Variants in DNAH5 observed in about 807,000 individuals in gnomAD.
DNAH5 encodes axonemal beta dynein heavy chain 5.
Under a neutral mutation model 518.2 loss-of-function variants are expected in DNAH5, and 372 were observed. The ratio of observed to expected loss-of-function variants is 0.72; its 90% CI spans 0.66 to 0.78. DNAH5 has a LOEUF of 0.78. Ranked by LOEUF, DNAH5 falls within the 30% of genes least tolerant of loss-of-function variation. The pLI is 0.00. For missense variants in DNAH5, 5,523 were observed against 5,687.0 expected (o/e 0.97, Z 0.93); for synonymous variants, 2,039 against 2,025.9 (o/e 1.01, Z -0.17).
intron 47 of DNAH5, among the ~76,000 whole-genome samples, chr5:13,795,813 C>A (rs149758519): frequency 6.6e-6 from 1 of 152,170 alleles, no homozygotes; most frequent in East Asian, 1.9e-4. Flanking sequence ...AAAATACTGG[C>A]AAACTGAATC....
At chr5:13,918,563 C>T (rs1373134622) in intron 7 of DNAH5, among the ~76,000 whole-genome samples, 3 of 152,110 alleles carry the variant, frequency 2.0e-5, no homozygotes, top group East Asian at 3.9e-4. Flanking sequence ...CTCCACCTCC[C>T]GGGTTCAAGC....
At chr5:13,710,254 G>A (rs1743317438) in intron 75 of DNAH5, among the ~76,000 whole-genome samples, 1 of 152,114 alleles carries the variant, frequency 6.6e-6, no homozygotes, top group Admixed American at 6.6e-5. Context: ...CACATCCATA[G>A]GAAAAGGGGG....
intron 51 of DNAH5, 71 bp from the exon 52 acceptor site, chr5:13,786,422 A>G (rs1756020530): frequency 7.0e-7 from 1 of 1,422,504 alleles, no homozygotes. Context: ...AAATTAATAC[A>G]CTCAAAGCTC....
At position 13,944,287 on chromosome 5, in the gene DNAH5, G is replaced by A. The variant is rs894557691; in HGVS notation, c.57+95C>T. 11 of 1,215,462 alleles carry A rather than the reference G, an allele frequency of 9.1e-6. No individual in the cohort carries two copies. In the Admixed American group the frequency reaches 1.0e-4, roughly 11 times the overall value. The allele number at this position is 1,215,462 out of a possible 1,614,324, so 75.3% of individuals were successfully genotyped here. ...GTTTCTCGCAAATTCATCAGTGTGT[G>A]ACTTTGAACCTTTTTCAAGTTTGTT... On this transcript the variant is annotated intron_variant, in intron 1 of 78. Transcript: ENST00000265104.
rs1470329012 is a variant in DNAH5 at position 13,870,817 on chromosome 5, C to T, written c.3784G>A (p.Glu1262Lys). 6.2e-7 allele frequency: 1 copy of T among 1,613,836 alleles called. No homozygotes were observed. ...DIRIAMAALK[E>K]IREEQISIDF... is the part of the protein sequence containing the mutation. ...ATGGAGATTTGCTCCTCCCTTATTT[C>T]TTTCAGCGCTGCCATTGCAATCCGA... The change falls in exon 24 of 79, where the codon GAA becomes AAA. Residue 1262 changes from glutamate (E) to lysine (K), a missense_variant. Coordinates refer to ENST00000265104, the MANE Select transcript of DNAH5 (RefSeq NM_001369.3).
chr5:13,965,470 T>G (rs1781467113), intron 1 of DNAH5, among the ~76,000 whole-genome samples: 1 of 152,216 alleles, frequency 6.6e-6, no homozygotes, highest in Non-Finnish European at 1.5e-5. Flanking sequence ...AAGTTTCTCA[T>G]AAAACATTCA....
At chr5:13,749,250 A>AG (rs976019892) in intron 65 of DNAH5, among the ~76,000 whole-genome samples, 4 of 152,008 alleles carry the variant, frequency 2.6e-5, no homozygotes, top group Non-Finnish European at 4.4e-5. Flanking sequence ...TTATGAAAGA[A>AG]AAAAAATGAG....
At chr5:13,845,375 G>A (rs1037668391) in intron 31 of DNAH5, among the ~76,000 whole-genome samples, 1 of 151,606 alleles carries the variant, frequency 6.6e-6, no homozygotes, top group Non-Finnish European at 1.5e-5. Context: ...GCAGGTTTTG[G>A]TTTTGGGTTT....
At chr5:13,719,691 T>G (rs1025207605) in intron 71 of DNAH5, among the ~76,000 whole-genome samples, 9 of 152,104 alleles carry the variant, frequency 5.9e-5, no homozygotes, top group Non-Finnish European at 8.8e-5. Flanking sequence ...ACCAGCACAT[T>G]GAGGGAATAG....
At chr5:13,887,745 C>T (rs1772632900) in intron 17 of DNAH5, among the ~76,000 whole-genome samples, 1 of 152,206 alleles carries the variant, frequency 6.6e-6, no homozygotes, top group South Asian at 2.1e-4. Context: ...TGCTAATATC[C>T]TTTACTCCAT....
intron 9 of DNAH5, 116 bp from the exon 10 acceptor site, chr5:13,914,758 T>C: frequency 9.4e-7 from 1 of 1,064,002 alleles, no homozygotes; most frequent in Middle Eastern, 3.0e-4. Context: ...TAACTTGAGC[T>C]TGGGTTTATT....
At chr5:13,708,098 A>G in intron 76 of DNAH5, 25 bp downstream of exon 76, 1 of 1,610,284 alleles carries the variant, frequency 6.2e-7, no homozygotes, top group Non-Finnish European at 8.5e-7. Flanking sequence ...GTGAACAGGC[A>G]GAATAACAGC....
At chr5:13,990,265 C>T (rs1039536889) in intron 1 of DNAH5, among the ~76,000 whole-genome samples, 4 of 151,816 alleles carry the variant, frequency 2.6e-5, no homozygotes, top group Admixed American at 1.3e-4. Flanking sequence ...AAAATTGGGG[C>T]CCGGCGGCCA....
At chr5:13,874,328 C>A (rs1329108008) in intron 22 of DNAH5, among the ~76,000 whole-genome samples, 1 of 152,064 alleles carries the variant, frequency 6.6e-6, no homozygotes, top group Non-Finnish European at 1.5e-5. Context: ...AAGAATATAC[C>A]CTAACTAAAT....
chr5:13,747,827 G>A (rs1310985318), intron 65 of DNAH5, among the ~76,000 whole-genome samples: 1 of 152,144 alleles, frequency 6.6e-6, no homozygotes. Context: ...CTCCCATTCT[G>A]TAGGTTGCCT....
chr5:13,695,911 C>T (rs1741313164), intron 78 of DNAH5, among the ~76,000 whole-genome samples: 1 of 152,114 alleles, frequency 6.6e-6, no homozygotes, highest in Admixed American at 6.6e-5. Flanking sequence ...TACGCATGGA[C>T]CTTTTCACTA....
Position 13,769,135 on chromosome 5 carries a change from A to G in DNAH5, c.9722T>C (p.Val3241Ala). Reference sequence around the variant, plus strand: ...TGCTTTCATTGTCACTTCTTTTAAGACCTAATTCAATATAAAGCAAGCAAT... The same window carrying G: ...TGCTTTCATTGTCACTTCTTTTAAGGCCTAATTCAATATAAAGCAAGCAAT... ...LQVANDKADM[V>A]LKEVTMKAQA... Residue 3241 changes from valine to alanine, a missense_variant and splice_region_variant, in exon 58 of 79, where the codon GTC becomes GCC. Physicochemically the swap from Val to Ala is moderately conservative, Grantham distance 64 (BLOSUM62 0). This residue lies in a region of DNAH5 where 5,121 missense variants were observed against 5,223.3 expected (regional missense o/e 0.98). Coordinates refer to ENST00000265104, the MANE Select transcript of DNAH5 (RefSeq NM_001369.3). The G allele has an allele frequency of 6.2e-7, 1 of 1,613,952 alleles. No individual in the cohort carries two copies.
In DNAH5 at chr5:13,867,822, C is replaced by T; in HGVS notation, c.4005G>A (p.Val1335=). The T allele has an allele frequency of 6.2e-7, 1 of 1,614,022 alleles. No individual in the cohort carries two copies. Among genetic ancestry groups the T allele is most frequent in the South Asian group, 1.1e-5 (1 of 91,074 alleles). The part of the protein sequence containing the change: ...PSFKKELISA[V]EVFLQDCHQF... ...GGTGACAATCTTGGAGGAATACCTC[C>T]ACAGCACTAATAAGCTCTTTCTTGA... Residue 1335 remains valine, a synonymous_variant, in exon 25 of 79, where the codon GTG becomes GTA. Coordinates refer to ENST00000265104, the MANE Select transcript of DNAH5 (RefSeq NM_001369.3).
intron 16 of DNAH5, among the ~76,000 whole-genome samples, chr5:13,893,644 G>T (rs1773548054): frequency 2.0e-5 from 3 of 152,100 alleles, no homozygotes; most frequent in Admixed American, 2.0e-4. Context: ...TAAACAGCCT[G>T]ATATTCAGGT....
Sources: gnomAD v4.1 joint callset for allele counts (sites outside exome capture counted in the v4.1 genomes callset) on GRCh38, gnomAD v4.1.1 for gene constraint, gnomAD v4.1.1 regional missense constraint, MANE v1.5 for transcripts, NCBI Gene and HGNC (gene_info 2026-07-23, HGNC 2026-07-21) for gene names.